Variants in ZNF532 observed in about 807,000 individuals in gnomAD.
ZNF532 encodes the protein zinc finger protein 532.
Under a neutral mutation model 89.3 loss-of-function variants are expected in ZNF532, and 22 were observed. The observed-to-expected ratio is 0.25, with a 90% CI of 0.18 to 0.35. The LOEUF (loss-of-function observed/expected upper bound fraction) is 0.35, where lower values mean the gene tolerates loss of function less well. Among genes scored for constraint, ZNF532 ranks in the 10% least tolerant of loss-of-function variants. The probability of loss-of-function intolerance (pLI) is 1.00; values close to 1 mark genes in which losing one functional copy is unlikely to be tolerated. For synonymous variants in ZNF532, 606 were observed against 649.6 expected, an observed-to-expected ratio of 0.93 and a Z score of 1.02; for missense variants, 1,132 against 1,643.4, an observed-to-expected ratio of 0.69 and a Z score of 5.38.
chr18:58,970,903 A>G (rs762156032), intron 7 of ZNF532, among the ~76,000 whole-genome samples: 4 of 152,228 alleles, frequency 2.6e-5, no homozygotes, highest in Non-Finnish European at 4.4e-5. Flanking sequence ...TGATGCTGGC[A>G]GCTTGTTAGA....
intron 3 of ZNF532, among the ~76,000 whole-genome samples, chr18:58,933,405 CTT>C (rs1332575718): frequency 6.6e-6 from 1 of 152,032 alleles, no homozygotes; most frequent in Non-Finnish European, 1.5e-5. Flanking sequence ...TAAAAAAAGT[CTT>C]TTTAAAATTT....
In ZNF532 at chr18:58,939,246, CAAAA is replaced by C. The variant is rs71336307; in HGVS notation, c.2529-173_2529-170del. 5.2e-3 allele frequency among the ~76,000 whole-genome samples: 178 copies of C among 34,468 alleles called. 1 individual carries two copies. The highest frequency in any genetic ancestry group is 0.031 in the Middle Eastern group (1 of 32). 22.6% of individuals were successfully genotyped at this position (34,468 alleles called of 152,430 possible). A position where few individuals can be genotyped will look rare whatever the true frequency, so the allele number is the denominator to read the frequency against. On this transcript the variant is annotated intron_variant, in intron 4 of 9. Transcript: ENST00000591808. ...TGGGCGACAGAGCGAGACGTTGTCT[CAAAA>C]AAAAAAAAAAAAAAAAAAAAAAAAA...
Position 58,864,923 on chromosome 18 carries a change from G to T in ZNF532, c.-590G>T, listed in dbSNP as rs1266524072. ...CTTCATGGCAGCCAAAAGCAGAGGA[G>T]CTTGCAGGAAGGTACCATCCCTACA... On this transcript the variant is annotated 5_prime_UTR_variant, in exon 1 of 10. Transcript: ENST00000591808. 1 of 152,300 alleles carries T rather than the reference G, an allele frequency of 6.6e-6. No homozygotes were observed. Among genetic ancestry groups the T allele is most frequent in the African/African-American group, 2.4e-5 (1 of 41,432 alleles). The allele number at this position is 152,300 out of a possible 1,614,324, so 9.4% of individuals were successfully genotyped here.
Position 58,919,551 on chromosome 18 carries a change from G to T in ZNF532, c.1264G>T (p.Ala422Ser). ...SAAVLSSPPR[A>S]PLQSAVVTNA... is the part of the protein sequence containing the mutation. ...CGCCGTCCTTTCCTCTCCCCCCAGG[G>T]CGCCTCTCCAGTCTGCGGTCGTGAC... The change falls in exon 3 of 10, where the codon GCG becomes TCG. Residue 422 changes from alanine (A) to serine (S), a missense_variant. Transcript: ENST00000591808. The surrounding 1 kb of genome is among the most constrained non-coding windows in gnomAD (Gnocchi z 6.1). 2 of 1,614,132 alleles carry T rather than the reference G, an allele frequency of 1.2e-6. No individual in the cohort carries two copies. The highest frequency in any genetic ancestry group is 1.1e-5 in the South Asian group (1 of 91,074).
At chr18:58,897,770 T>C (rs1351532786) in intron 2 of ZNF532, among the ~76,000 whole-genome samples, 2 of 152,258 alleles carry the variant, frequency 1.3e-5, no homozygotes, top group East Asian at 3.9e-4. Context: ...CTGGCCAACA[T>C]GGCGAATCCC....
intron 7 of ZNF532, among the ~76,000 whole-genome samples, chr18:58,963,649 G>C (rs1279071357): frequency 7.0e-6 from 1 of 141,934 alleles, no homozygotes; most frequent in Non-Finnish European, 1.5e-5. Flanking sequence ...GTGTGTGTAT[G>C]TATATAAATT....
intron 6 of ZNF532, among the ~76,000 whole-genome samples, chr18:58,949,814 A>G (rs1157845452): frequency 6.6e-6 from 1 of 152,230 alleles, no homozygotes; most frequent in African/African-American, 2.4e-5. Flanking sequence ...GTGAGTTCAT[A>G]TAGAGTAATT....
At position 58,940,950 on chromosome 18, in the gene ZNF532, A is replaced by ACACACACACACACACT. The variant is rs2062941972; in HGVS notation, c.2705+1338_2705+1339insACACACTCACACACAC. ...CACACACACACACACACACACACAC[A>ACACACACACACACACT]CACACACACTCTTTCTCTCTCTCTC... is the stretch of plus-strand genomic sequence containing the variant. On this transcript the variant is annotated intron_variant, in intron 5 of 9. Transcript: ENST00000591808. Among the ~76,000 whole-genome samples the ACACACACACACACACT allele has an allele frequency of 5.7e-5, 8 of 141,390 alleles. No homozygotes were observed. In the South Asian group the frequency reaches 1.9e-3, roughly 33 times the overall value. 92.8% of individuals were successfully genotyped at this position (141,390 alleles called of 152,430 possible). A position where few individuals can be genotyped will look rare whatever the true frequency, so the allele number is the denominator to read the frequency against.
chr18:58,942,320 CCCCTCCCTCCCTCCCT>C (rs1164951557), intron 5 of ZNF532, among the ~76,000 whole-genome samples: 3 of 36,806 alleles, frequency 8.2e-5, no homozygotes, highest in African/African-American at 1.4e-4. Flanking sequence ...CCGCGCCTGG[CCCCTCCCTCCCTCCCT>C]CCCTCCCTCC....
intron 7 of ZNF532, among the ~76,000 whole-genome samples, chr18:58,976,409 G>A (rs576971066): frequency 4.6e-5 from 7 of 152,266 alleles, no homozygotes; most frequent in Middle Eastern, 6.8e-3. Flanking sequence ...TATTAAACCC[G>A]TCACCTTAAT....
In ZNF532 at chr18:58,920,247, G is replaced by A. The variant is rs768702764; in HGVS notation, c.1960G>A (p.Val654Ile). The change falls in exon 3 of 10, where the codon GTT becomes ATT. Residue 654 changes from valine to isoleucine, a missense_variant. By Grantham distance (29) the Val-to-Ile change is conservative. This residue lies in a region of ZNF532 where 70 missense variants were observed against 152.1 expected (regional missense o/e 0.46). Coordinates refer to ENST00000591808, the MANE Select transcript of ZNF532 (RefSeq NM_001375912.1). ...GTGCAACCATTGTACAAAGAACCTC[G>A]TTTTTTACAACAAATGCAGCCTCCT... ...VTCNHCTKNL[V>I]FYNKCSLLSH... 6 of 1,613,824 alleles carry A rather than the reference G, an allele frequency of 3.7e-6. No individual in the cohort carries two copies. Among genetic ancestry groups the A allele is most frequent in the Admixed American group, 1.7e-5 (1 of 59,990 alleles).
chr18:58,885,132 GCAT>G (rs1288270315), intron 2 of ZNF532, among the ~76,000 whole-genome samples: 2 of 152,086 alleles, frequency 1.3e-5, no homozygotes, highest in African/African-American at 4.8e-5. Flanking sequence ...GGGATTGCAG[GCAT>G]GTGCCACCAC....
rs1239551709 is a variant in ZNF532, at chr18:58,984,156, A to G, written c.3596A>G (p.Asp1199Gly). Residue 1199 changes from aspartate (D) to glycine (G), a missense_variant, in exon 10 of 10, where the codon GAT becomes GGT. This residue lies in a region of ZNF532 where 415 missense variants were observed against 604.8 expected (regional missense o/e 0.69). Coordinates refer to ENST00000591808, the MANE Select transcript of ZNF532 (RefSeq NM_001375912.1). Reference protein sequence around the residue: ...FHEHIPQHKSDGSSYQCRECG... With the variant: ...FHEHIPQHKSGGSSYQCRECG... Reference sequence around the variant, plus strand: ...GAACACATCCCTCAGCACAAATCGGATGGTTCTTCCTACCAGTGCCGGGAG... The same window carrying G: ...GAACACATCCCTCAGCACAAATCGGGTGGTTCTTCCTACCAGTGCCGGGAG... 1.2e-6 allele frequency: 2 copies of G among 1,611,814 alleles called. No individual in the cohort carries two copies. Among genetic ancestry groups the G allele is most frequent in the South Asian group, 2.2e-5 (2 of 90,962 alleles).
chr18:58,934,746 A>G, intron 4 of ZNF532, 132 bp downstream of exon 4: 1 of 878,426 alleles, frequency 1.1e-6, no homozygotes. Flanking sequence ...CTGGGAACCT[A>G]GCTCGTTTGT....
intron 7 of ZNF532, among the ~76,000 whole-genome samples, chr18:58,971,378 A>C (rs990417625): frequency 6.6e-6 from 1 of 152,318 alleles, no homozygotes; most frequent in South Asian, 2.1e-4. Flanking sequence ...ACTTGTCTCT[A>C]TTTTCTATTG....
intron 3 of ZNF532, among the ~76,000 whole-genome samples, chr18:58,922,501 GGAAAGCAGCAACTTAGTTCAA>G (rs2061187468): frequency 6.6e-6 from 1 of 152,174 alleles, no homozygotes; most frequent in Non-Finnish European, 1.5e-5. Flanking sequence ...TCAAAAAATA[GGAAAGCAGCAACTTAGTTCAA>G]GAAGGCTATG....
rs538684196 is a variant in ZNF532, at chr18:58,865,390, C to G, written c.-128+5C>G. The G allele has an allele frequency of 6.6e-6, 1 of 152,572 alleles. No homozygotes were observed. Among genetic ancestry groups the G allele is most frequent in the African/African-American group, 2.4e-5 (1 of 41,532 alleles). The allele number at this position is 152,572 out of a possible 1,614,324, so 9.5% of individuals were successfully genotyped here. ...GACTATTATGAAGGCCAAAAGGTAA[C>G]AATATCGTTCTAGGAAATGAACATA... On this transcript the variant is annotated splice_donor_5th_base_variant and intron_variant, in intron 1 of 9. Coordinates refer to ENST00000591808, the MANE Select transcript of ZNF532 (RefSeq NM_001375912.1).
chr18:58,983,988 G>T lies in ZNF532; in HGVS notation c.3428G>T (p.Arg1143Leu). Residue 1143 changes from arginine (R) to leucine (L), a missense_variant, in exon 10 of 10, where the codon CGG (arginine) becomes CTG (leucine). Physicochemically the swap from Arg to Leu is moderately radical, Grantham distance 102. Around this residue, in one of 9 missense-constraint regions of ZNF532, gnomAD observed 415 missense variants for 604.8 expected, o/e 0.69. Coordinates refer to ENST00000591808, the MANE Select transcript of ZNF532 (RefSeq NM_001375912.1). ...KEDTKVPSPKRKLEEPVLEFR... is the reference protein window; with the variant it reads ...KEDTKVPSPKLKLEEPVLEFR... ...CCCTGAAAGGTCCCCAGTCCCAAGC[G>T]GAAGTTGGAAGAACCAGTTCTGGAG... 1 of 1,609,022 alleles carries T rather than the reference G, an allele frequency of 6.2e-7. No homozygotes were observed. Among genetic ancestry groups the T allele is most frequent in the Non-Finnish European group, 8.5e-7 (1 of 1,178,116 alleles).
intron 2 of ZNF532, among the ~76,000 whole-genome samples, chr18:58,870,132 A>G (rs1474557405): frequency 1.3e-5 from 2 of 150,892 alleles, no homozygotes; most frequent in African/African-American, 4.9e-5. Flanking sequence ...AAGAACAGAC[A>G]AAGGTAATGG....
Sources: gnomAD v4.1 joint callset for allele counts (sites outside exome capture counted in the v4.1 genomes callset) on GRCh38, gnomAD v4.1.1 for gene constraint, gnomAD v4.1.1 regional missense constraint, Gnocchi (gnomAD v3.1) non-coding constraint, MANE v1.5 for transcripts, NCBI Gene and HGNC (gene_info 2026-07-23, HGNC 2026-07-21) for gene names.